RPH3AL: variants seen among roughly 807,000 people sequenced by gnomAD.
RPH3AL encodes rabphilin 3A like (without C2 domains), also known as rab effector Noc2.
Under a neutral mutation model 43.1 loss-of-function variants are expected in RPH3AL, and 38 were observed. That is an observed-to-expected ratio of 0.88 (90% CI 0.68 to 1.15). RPH3AL has a LOEUF of 1.15. Ranked by LOEUF, RPH3AL falls within the 50% of genes most tolerant of loss-of-function variation. The pLI is 0.00. For missense variants in RPH3AL, 462 were observed against 423.2 expected (o/e 1.09, Z -0.81); for synonymous variants, 189 against 176.3 (o/e 1.07, Z -0.57).
chr17:269,805 C>A (rs1373175078), intron 6 of RPH3AL, among the ~76,000 whole-genome samples: 1 of 152,204 alleles, frequency 6.6e-6, no homozygotes, highest in Non-Finnish European at 1.5e-5. Context: ...AAAGAGTCAG[C>A]AGCCTCTTGG....
rs537778373 is a variant in RPH3AL at position 285,730 on chromosome 17, G to T, written c.352-3876C>A. Among the ~76,000 whole-genome samples the T allele has an allele frequency of 9.2e-5, 14 of 152,256 alleles. No individual in the cohort carries two copies. In the South Asian group the frequency reaches 2.7e-3, roughly 29 times the overall value. ...TCCTCACCGTGAGGTTCTGCAGGACGGCGCTCGGCCAGAGGACCCTGCCCT... is the reference window on the plus strand; with the variant it reads ...TCCTCACCGTGAGGTTCTGCAGGACTGCGCTCGGCCAGAGGACCCTGCCCT... On this transcript the variant is annotated intron_variant, in intron 5 of 9. Transcript: ENST00000331302.
At chr17:226,189 C>T (rs2041103207) in intron 7 of RPH3AL, among the ~76,000 whole-genome samples, 1 of 152,250 alleles carries the variant, frequency 6.6e-6, no homozygotes, top group Non-Finnish European at 1.5e-5. Context: ...TCACCTTGTT[C>T]TTCATCTCCA....
chr17:319,892 G>GGGGGGAGGGA (rs1158270724), intron 4 of RPH3AL, among the ~76,000 whole-genome samples: 1 of 24,454 alleles, frequency 4.1e-5, no homozygotes, highest in Non-Finnish European at 7.2e-5. Context: ...TGGAAATAGT[G>GGGGGGAGGGA]GGGGGAGGGA....
intron 1 of RPH3AL, among the ~76,000 whole-genome samples, chr17:346,489 A>T (rs2045239167): frequency 7.6e-6 from 1 of 131,016 alleles, no homozygotes; most frequent in South Asian, 2.6e-4. Context: ...GTGCAGGAAA[A>T]CTCCCCCTTA....
Position 245,650 on chromosome 17 carries a change from T to G in RPH3AL, c.613+1461A>C, listed in dbSNP as rs1428369112. Among the ~76,000 whole-genome samples, 1 of 152,140 alleles carries G rather than the reference T, an allele frequency of 6.6e-6. No individual in the cohort carries two copies. The highest frequency in any genetic ancestry group is 1.9e-4 in the East Asian group (1 of 5,174). ...TTCTGCTCCCACTGTCTGAGGGACATGGACAGATCTCGAGGGCTCAGCAGG... is the reference window on the plus strand; with the variant it reads ...TTCTGCTCCCACTGTCTGAGGGACAGGGACAGATCTCGAGGGCTCAGCAGG... On this transcript the variant is annotated intron_variant, in intron 7 of 9. Transcript: ENST00000331302. The surrounding 1 kb of genome is among the most constrained non-coding windows in gnomAD (Gnocchi z 5.9).
At chr17:350,127 T>C (rs2045324177) in intron 1 of RPH3AL, among the ~76,000 whole-genome samples, 1 of 152,234 alleles carries the variant, frequency 6.6e-6, no homozygotes, top group Admixed American at 6.5e-5. Context: ...TCTTCCTCTG[T>C]ACAACAGAGG....
chr17:303,155 T>G (rs1044839321), intron 5 of RPH3AL, among the ~76,000 whole-genome samples: 1 of 152,172 alleles, frequency 6.6e-6, no homozygotes, highest in Non-Finnish European at 1.5e-5. Flanking sequence ...TCCCAGCAGT[T>G]TCAGAGGCTG....
At chr17:253,579 C>G (rs1007811783) in intron 6 of RPH3AL, among the ~76,000 whole-genome samples, 3 of 152,136 alleles carry the variant, frequency 2.0e-5, no homozygotes, top group Non-Finnish European at 2.9e-5. Context: ...CAACCCATCT[C>G]CAGAACTTGC....
chr17:337,993 A>ATTGCTT (rs2045006642), intron 1 of RPH3AL, among the ~76,000 whole-genome samples: 1 of 152,174 alleles, frequency 6.6e-6, no homozygotes, highest in Non-Finnish European at 1.5e-5. Context: ...TGCAAATGAG[A>ATTGCTT]TGTGAAATAA....
intron 6 of RPH3AL, among the ~76,000 whole-genome samples, chr17:269,873 C>T (rs564794403): frequency 4.5e-4 from 69 of 152,282 alleles, no homozygotes; most frequent in African/African-American, 1.4e-3. Context: ...CTCAGGTAGA[C>T]GCCCCAGGCA....
chr17:213,656 C>A lies in RPH3AL; in HGVS notation c.*196G>T, dbSNP rs538814172. The stretch of plus-strand genomic sequence containing the variant: ...TGAGGGCAGTGGTTGGAGGGGGTGG[C>A]GGATGCAGACAGCTCCCCAGGAGAG... On this transcript the variant is annotated 3_prime_UTR_variant, in exon 10 of 10. Coordinates refer to ENST00000331302, the MANE Select transcript of RPH3AL (RefSeq NM_006987.4). 3.3e-6 allele frequency: 2 copies of A among 606,494 alleles called. No homozygotes were observed. Among genetic ancestry groups the A allele is most frequent in the East Asian group, 2.8e-5 (1 of 35,774 alleles). 37.6% of individuals were successfully genotyped at this position (606,494 alleles called of 1,614,324 possible).
At chr17:303,653 A>G (rs113921580) in intron 5 of RPH3AL, among the ~76,000 whole-genome samples, 16 of 3,254 alleles carry the variant, frequency 4.9e-3, no homozygotes, top group South Asian at 0.01. Context: ...ATAATTATTG[A>G]GCAGTGACCG....
intron 6 of RPH3AL, among the ~76,000 whole-genome samples, chr17:267,437 A>G (rs922651932): frequency 1.3e-5 from 2 of 152,214 alleles, no homozygotes; most frequent in African/African-American, 4.8e-5. Context: ...GGCCAATTAG[A>G]CCGAGCCAGG....
At chr17:253,240 C>T (rs560087150) in intron 6 of RPH3AL, among the ~76,000 whole-genome samples, 80 of 152,282 alleles carry the variant, frequency 5.3e-4, no homozygotes, top group Admixed American at 9.8e-4. Flanking sequence ...AGTGCTCCCC[C>T]ACCTCACGCC....
chr17:315,899 C>T (rs879754264), intron 5 of RPH3AL, among the ~76,000 whole-genome samples: 1 of 25,884 alleles, frequency 3.9e-5, no homozygotes. Flanking sequence ...GTCCCTGTGA[C>T]TCCACCTCCA....
intron 5 of RPH3AL, among the ~76,000 whole-genome samples, chr17:317,092 C>A (rs572844886): frequency 2.4e-3 from 355 of 150,272 alleles, no homozygotes; most frequent in Non-Finnish European, 4.1e-3. Flanking sequence ...TGCTCCACCT[C>A]CAGTGACCTG....
intron 1 of RPH3AL, among the ~76,000 whole-genome samples, chr17:345,615 T>G (rs372121019): frequency 7.5e-6 from 1 of 132,748 alleles, no homozygotes; most frequent in Admixed American, 7.2e-5. Flanking sequence ...GGGTGCCTGC[T>G]GGGGCACGCG....
chr17:333,759 C>A lies in RPH3AL; in HGVS notation c.-37G>T, dbSNP rs1432279121. 5.8e-6 allele frequency: 1 copy of A among 172,904 alleles called. No individual in the cohort carries two copies. Among genetic ancestry groups the A allele is most frequent in the African/African-American group, 2.4e-5 (1 of 42,178 alleles). The allele number at this position is 172,904 out of a possible 1,614,324, so 10.7% of individuals were successfully genotyped here. A position where few individuals can be genotyped will look rare whatever the true frequency, so the allele number is the denominator to read the frequency against. ...TTTTTCAGTGTATTTTTTGAGATACCTTTTCCATAGTCAGGTTCACAGCCA... is the reference window on the plus strand; with the variant it reads ...TTTTTCAGTGTATTTTTTGAGATACATTTTCCATAGTCAGGTTCACAGCCA... On this transcript the variant is annotated splice_region_variant and 5_prime_UTR_variant, in exon 2 of 10. Transcript: ENST00000331302. The surrounding 1 kb of genome is among the most constrained non-coding windows in gnomAD (Gnocchi z 4.5).
At chr17:305,609 G>A (rs2043466045) in intron 5 of RPH3AL, among the ~76,000 whole-genome samples, 2 of 152,144 alleles carry the variant, frequency 1.3e-5, no homozygotes, top group South Asian at 4.1e-4. Flanking sequence ...CCCGAGTGGA[G>A]ATACTAGGTC....
Sources: allele counts gnomAD v4.1 joint callset (sites outside exome capture counted in the v4.1 genomes callset), GRCh38; gene constraint gnomAD v4.1.1; non-coding constraint Gnocchi (gnomAD v3.1); transcripts MANE v1.5; gene names NCBI Gene and HGNC (gene_info 2026-07-23, HGNC 2026-07-21).